TXNDC8: variants seen among roughly 807,000 people sequenced by gnomAD.
The protein encoded by TXNDC8 is thioredoxin domain-containing protein 8.
A neutral mutation model predicts 12.9 loss-of-function variants in TXNDC8; 15 were observed. That is an observed-to-expected ratio of 1.16 (90% CI 0.78 to 1.79). The LOEUF (loss-of-function observed/expected upper bound fraction) is 1.79, where lower values mean the gene tolerates loss of function less well. Ranked by LOEUF, TXNDC8 falls within the 40% of genes most tolerant of loss-of-function variation. TXNDC8 has a pLI of 0.00. For synonymous variants in TXNDC8, 40 were observed against 35.4 expected, an observed-to-expected ratio of 1.13 and a Z score of -0.46; for missense variants, 128 against 113.2, an observed-to-expected ratio of 1.13 and a Z score of -0.59.
chr9:110,317,404 A>C (rs1384346565), intron 3 of TXNDC8, among the ~76,000 whole-genome samples: 3 of 152,202 alleles, frequency 2.0e-5, no homozygotes, highest in Non-Finnish European at 4.4e-5. Flanking sequence ...AAGCTGACAC[A>C]AAGGAATGAA....
intron 2 of TXNDC8, among the ~76,000 whole-genome samples, chr9:110,327,167 TA>T (rs1839355542): frequency 6.6e-6 from 1 of 152,166 alleles, no homozygotes; most frequent in African/African-American, 2.4e-5. Flanking sequence ...GGTGAGAATG[TA>T]AAATGGTGCA....
chr9:110,331,852 T>C (rs1349681851), intron 2 of TXNDC8, among the ~76,000 whole-genome samples: 1 of 152,188 alleles, frequency 6.6e-6, no homozygotes, highest in Non-Finnish European at 1.5e-5. Flanking sequence ...GCTCACCTCC[T>C]GCTGTGTGGC....
At chr9:110,305,784 T>TTTTC (rs1245590955) in intron 3 of TXNDC8, among the ~76,000 whole-genome samples, 2 of 93,330 alleles carry the variant, frequency 2.1e-5, no homozygotes, top group Non-Finnish European at 4.4e-5. Context: ...TTTTCTTTTC[T>TTTTC]TTTCTTTCTT....
intron 3 of TXNDC8, among the ~76,000 whole-genome samples, chr9:110,310,252 A>G (rs1838615345): frequency 6.6e-6 from 1 of 151,804 alleles, no homozygotes; most frequent in Non-Finnish European, 1.5e-5. Context: ...AGGCCTTTAT[A>G]ATTTCTATAA....
chr9:110,310,648 C>CA (rs1838630804), intron 3 of TXNDC8, among the ~76,000 whole-genome samples: 1 of 152,046 alleles, frequency 6.6e-6, no homozygotes. Context: ...AAAGACTAGC[C>CA]AAATGCTTTT....
intron 3 of TXNDC8, among the ~76,000 whole-genome samples, chr9:110,319,075 C>T (rs1044923279): frequency 2.0e-5 from 3 of 152,130 alleles, no homozygotes; most frequent in African/African-American, 4.8e-5. Context: ...TTAGTTCTTG[C>T]CCCCCGACCC....
intron 3 of TXNDC8, chr9:110,322,312 G>A: frequency 1.1e-6 from 1 of 935,926 alleles, no homozygotes; most frequent in Non-Finnish European, 1.3e-6. Flanking sequence ...GGGTGACCCT[G>A]GAATTAGAAT....
At chr9:110,322,410 G>A (rs1211568516) in intron 3 of TXNDC8, 1 of 985,238 alleles carries the variant, frequency 1.0e-6, no homozygotes, top group East Asian at 1.1e-4. Flanking sequence ...AGTGATCTCT[G>A]GAATGCAGGA....
intron 3 of TXNDC8, among the ~76,000 whole-genome samples, chr9:110,312,275 CA>C (rs1229366196): frequency 6.6e-6 from 1 of 152,184 alleles, no homozygotes; most frequent in Non-Finnish European, 1.5e-5. Context: ...TATGGCAATA[CA>C]GTTATGGCAT....
intron 3 of TXNDC8, among the ~76,000 whole-genome samples, chr9:110,312,547 G>A (rs1838727370): frequency 3.9e-5 from 6 of 152,322 alleles, no homozygotes; most frequent in Admixed American, 3.3e-4. Context: ...CAAGAGGAGA[G>A]GAATTCCCAT....
At chr9:110,304,423 TA>T in intron 4 of TXNDC8, 43 bp downstream of exon 5, 1 of 1,549,938 alleles carries the variant, frequency 6.5e-7, no homozygotes, top group Non-Finnish European at 8.9e-7. Context: ...TCCTTCAAAG[TA>T]AACCCCAGAT....
downstream of TXNDC8, among the ~76,000 whole-genome samples, chr9:110,301,698 A>G (rs188588162): frequency 6.6e-6 from 1 of 152,346 alleles, no homozygotes; most frequent in African/African-American, 2.4e-5. Flanking sequence ...AAGAACATCT[A>G]TCTGTAGCAA....
chr9:110,303,666 A>C lies in TXNDC8; in HGVS notation c.*16T>G, dbSNP rs1159177514. 6.2e-7 allele frequency: 1 copy of C among 1,601,576 alleles called. No individual in the cohort carries two copies. The highest frequency in any genetic ancestry group is 1.1e-5 in the South Asian group (1 of 89,920). ...GAGGCTTTAAGGAATTTTATTCCTG[A>C]TTGAAAAGTTAAATCCTACTCATTT... On this transcript the variant is annotated 3_prime_UTR_variant, in exon 5 of 5. Transcript: ENST00000423740.
At chr9:110,307,131 T>A (rs777104422) in intron 3 of TXNDC8, among the ~76,000 whole-genome samples, 5 of 151,884 alleles carry the variant, frequency 3.3e-5, no homozygotes, top group Non-Finnish European at 7.4e-5. Context: ...TTTTTAAATT[T>A]TTTGTAAAGG....
chr9:110,323,851 GTGATATCA>G (rs779711249), intron 3 of TXNDC8: 5 of 1,547,706 alleles, frequency 3.2e-6, no homozygotes, highest in Non-Finnish European at 4.4e-6. Flanking sequence ...TTCAAATCCA[GTGATATCA>G]AAGGAGAAGG....
chr9:110,337,573 T>C (rs1839806154), intron 1 of TXNDC8, among the ~76,000 whole-genome samples, 200 bp downstream of exon 1: 2 of 152,196 alleles, frequency 1.3e-5, no homozygotes, highest in Admixed American at 1.3e-4. Flanking sequence ...AGCCCTTCTT[T>C]ATCAATTTGA....
chr9:110,312,613 A>G (rs57061096), intron 3 of TXNDC8, among the ~76,000 whole-genome samples: 1 of 152,190 alleles, frequency 6.6e-6, no homozygotes, highest in Admixed American at 6.5e-5. Flanking sequence ...AAAAAGTCTT[A>G]TCTGAGATTC....
chr9:110,333,283 A>T (rs554935888), intron 2 of TXNDC8, among the ~76,000 whole-genome samples: 15 of 152,152 alleles, frequency 9.9e-5, no homozygotes, highest in South Asian at 4.1e-4. Flanking sequence ...GTGGAATTAG[A>T]TCCTCATAGG....
In TXNDC8 at chr9:110,303,548, C is replaced by T; in HGVS notation, c.*134G>A. 1.3e-6 allele frequency: 2 copies of T among 1,530,628 alleles called. No individual in the cohort carries two copies. Among genetic ancestry groups the T allele is most frequent in the Non-Finnish European group, 1.8e-6 (2 of 1,132,724 alleles). The allele number at this position is 1,530,628 out of a possible 1,614,324, so 94.8% of individuals were successfully genotyped here. ...ACATTAATTCTTGAGTCTTGGCTTC[C>T]AATTTTTTAGCATCGGCTCCACAAA... On this transcript the variant is annotated 3_prime_UTR_variant, in exon 5 of 5. Transcript: ENST00000423740.
Sources: gnomAD v4.1 joint callset for allele counts (sites outside exome capture counted in the v4.1 genomes callset) on GRCh38, gnomAD v4.1.1 for gene constraint, MANE v1.5 for transcripts, NCBI Gene and HGNC (gene_info 2026-07-23, HGNC 2026-07-21) for gene names.